SETX: variants seen among roughly 807,000 people sequenced by gnomAD.
SETX encodes the protein helicase senataxin.
In SETX, 90 loss-of-function variants were observed where a neutral mutation model predicts 227.2. The observed-to-expected ratio is 0.40, with a 90% confidence interval of 0.33 to 0.47. The LOEUF (loss-of-function observed/expected upper bound fraction) is 0.47. Among genes scored for constraint, SETX ranks in the 20% least tolerant of loss-of-function variants. The pLI is 0.91. For synonymous variants in SETX, 1,210 were observed against 1,113.2 expected (o/e 1.09, Z -1.73); for missense variants, 3,052 against 3,181.5 (o/e 0.96, Z 0.98).
intron 4 of SETX, among the ~76,000 whole-genome samples, chr9:132,344,150 C>T (rs1054754441): frequency 6.6e-6 from 1 of 152,092 alleles, no homozygotes; most frequent in Non-Finnish European, 1.5e-5. Context: ...ATTTTTGATT[C>T]CACTTTGGTT....
chr9:132,336,165 C>T, intron 6 of SETX, 131 bp downstream of exon 6: 1 of 757,094 alleles, frequency 1.3e-6, no homozygotes, highest in Non-Finnish European at 2.3e-6. Context: ...ATTGCTTGAA[C>T]CTGGGAGGTG....
In SETX at chr9:132,300,744, A is replaced by T. The variant is rs763771426; in HGVS notation, c.5434T>A (p.Phe1812Ile). 1.1e-5 allele frequency: 18 copies of T among 1,613,566 alleles called. No individual in the cohort carries two copies. Among genetic ancestry groups the T allele is most frequent in the Non-Finnish European group, 1.4e-5 (17 of 1,179,888 alleles). Residue 1812 changes from phenylalanine (F) to isoleucine (I), a missense_variant, in exon 12 of 26, where the codon TTT becomes ATT. Around this residue, in one of 10 missense-constraint regions of SETX, gnomAD observed 239 missense variants for 272.1 expected, o/e 0.88. Coordinates refer to ENST00000224140, the MANE Select transcript of SETX (RefSeq NM_015046.7). ...TCATTTATTCTCTCAGGAGCTAAAA[A>T]CACCAAATCGTTTTCCTTTGGATAA... ...QLYPKENDLVFLAPERINEEK... is the reference protein window; with the variant it reads ...QLYPKENDLVILAPERINEEK...
Position 132,329,087 on chromosome 9 carries a change from G to A in SETX, c.2511C>T (p.Phe837=). 2 of 1,610,240 alleles carry A rather than the reference G, an allele frequency of 1.2e-6. No individual in the cohort carries two copies. Among genetic ancestry groups the A allele is most frequent in the South Asian group, 1.1e-5 (1 of 90,766 alleles). ...TAGGGTCTAAAGAAAGATTGTGTAT[G>A]AAACCATCTCCTTTCTGAACTCCTG... ...KDTGVQKGDG[F]IHNLSLDPSG... Residue 837 remains phenylalanine (F), a synonymous_variant, in exon 10 of 26, where the codon TTC becomes TTT. Transcript: ENST00000224140.
At chr9:132,336,110 G>A (rs190307212) in intron 6 of SETX, among the ~76,000 whole-genome samples, 186 bp downstream of exon 6, 8 of 152,312 alleles carry the variant, frequency 5.3e-5, no homozygotes, top group South Asian at 2.1e-4. Context: ...AGGTGTGGTG[G>A]CGTTTGCCTG....
intron 2 of SETX, among the ~76,000 whole-genome samples, chr9:132,352,364 C>T (rs1370156193): frequency 6.6e-6 from 1 of 152,168 alleles, no homozygotes; most frequent in African/African-American, 2.4e-5. Flanking sequence ...GAATTCTCAC[C>T]TCTTCATTCA....
Position 132,331,125 on chromosome 9 carries a change from G to T in SETX, c.1025C>A (p.Pro342Gln), listed in dbSNP as rs762627335. The T allele has an allele frequency of 6.2e-7, 1 of 1,613,332 alleles. No individual in the cohort carries two copies. Among genetic ancestry groups the T allele is most frequent in the East Asian group, 2.2e-5 (1 of 44,868 alleles). Reference sequence around the variant, plus strand: ...CACCATATCATCCAAATAGGACTCCGGTTCTAACTTGGTCCTTAAATATTA... The same window carrying T: ...CACCATATCATCCAAATAGGACTCCTGTTCTAACTTGGTCCTTAAATATTA... ...RNSSVRTKLE[P>Q]ESYLDDMVTC... is the part of the protein sequence containing the mutation. The change falls in exon 9 of 26, where the codon CCG (proline) becomes CAG (glutamine). Residue 342 changes from proline to glutamine, a missense_variant. Coordinates refer to ENST00000224140, the MANE Select transcript of SETX (RefSeq NM_015046.7).
At chr9:132,282,478 C>T (rs185293424) in intron 19 of SETX, among the ~76,000 whole-genome samples, 46 of 151,896 alleles carry the variant, frequency 3.0e-4, no homozygotes, top group Non-Finnish European at 6.0e-4. Flanking sequence ...TTAGTAGAGA[C>T]AAGGTTTCAC....
intron 17 of SETX, among the ~76,000 whole-genome samples, chr9:132,286,783 C>A (rs1401115181): frequency 1.3e-5 from 2 of 152,188 alleles, no homozygotes; most frequent in African/African-American, 4.8e-5. Flanking sequence ...TAAATCACAC[C>A]CCAACCATTC....
rs571511092 is a variant in SETX at position 132,329,234 on chromosome 9, A to C, written c.2364T>G (p.Cys788Trp). The part of the protein sequence containing the change: ...RKTKVQKDEI[C>W]AKLSHVIKKQ... The stretch of plus-strand genomic sequence containing the variant: ...TCTTTATTACATGTGATAACTTTGC[A>C]CAGATTTCATCTTTCTGTACCTTAG... Residue 788 changes from cysteine to tryptophan, a missense_variant, in exon 10 of 26, where the codon TGT becomes TGG. By Grantham distance (215) the Cys-to-Trp change is radical. Transcript: ENST00000224140. The C allele has an allele frequency of 4.3e-6, 7 of 1,613,972 alleles. No homozygotes were observed. The South Asian group carries it at 7.7e-5, about 18-fold the overall frequency.
At position 132,305,163 on chromosome 9, in the gene SETX, G is replaced by A. The variant is rs1589688266; in HGVS notation, c.5375-4360C>T. 2.0e-5 allele frequency among the ~76,000 whole-genome samples: 3 copies of A among 151,334 alleles called. 1 individual carries two copies. The East Asian group carries it at 5.8e-4, about 29-fold the overall frequency. On this transcript the variant is annotated intron_variant, in intron 11 of 25. Coordinates refer to ENST00000224140, the MANE Select transcript of SETX (RefSeq NM_015046.7). ...AGGTTAGGAGATCAAGACCATCCTG[G>A]CTAACATGGTGAAACCCCGCCATTA...
At chr9:132,291,733 T>C (rs1452480877) in intron 15 of SETX, among the ~76,000 whole-genome samples, 1 of 152,166 alleles carries the variant, frequency 6.6e-6, no homozygotes. Context: ...GTGTCTGTTT[T>C]GTTCTTTAAC....
intron 20 of SETX, among the ~76,000 whole-genome samples, chr9:132,279,848 T>C (rs2131191487): frequency 6.6e-6 from 1 of 152,222 alleles, no homozygotes; most frequent in East Asian, 1.9e-4. Flanking sequence ...TGGGAGGATG[T>C]CCCTGATTTA....
At chr9:132,267,029 T>C (rs1842683512) in intron 25 of SETX, among the ~76,000 whole-genome samples, 1 of 152,270 alleles carries the variant, frequency 6.6e-6, no homozygotes, top group Non-Finnish European at 1.5e-5. Flanking sequence ...GGTAAAAATC[T>C]GTCTAAAGTC....
chr9:132,323,993 G>A (rs976523461), intron 10 of SETX, among the ~76,000 whole-genome samples: 1 of 152,070 alleles, frequency 6.6e-6, no homozygotes, highest in African/African-American at 2.4e-5. Context: ...GATGAGGGGT[G>A]CCTGATGTTC....
intron 25 of SETX, among the ~76,000 whole-genome samples, chr9:132,268,110 G>A (rs143313603): frequency 6.6e-6 from 1 of 152,338 alleles, no homozygotes; most frequent in East Asian, 1.9e-4. Flanking sequence ...AAGAGATCAC[G>A]TTTTAACACT....
At chr9:132,346,206 T>C in intron 4 of SETX, 55 bp downstream of exon 4, 1 of 1,416,434 alleles carries the variant, frequency 7.1e-7, no homozygotes, top group Non-Finnish European at 1.0e-6. Context: ...CCTAAATTCT[T>C]ATGGTACTAA....
intron 14 of SETX, 54 bp from the exon 15 acceptor site, chr9:132,296,082 C>T (rs1351145561): frequency 1.3e-6 from 2 of 1,597,730 alleles, no homozygotes; most frequent in Non-Finnish European, 1.7e-6. Flanking sequence ...TATGGGTGAG[C>T]TCTATTACAT....
chr9:132,284,870 C>G (rs145484756), intron 18 of SETX, among the ~76,000 whole-genome samples: 1 of 151,468 alleles, frequency 6.6e-6, no homozygotes, highest in East Asian at 1.9e-4. Flanking sequence ...ACCCACAAAG[C>G]TATTTTTTTT....
intron 19 of SETX, among the ~76,000 whole-genome samples, chr9:132,281,859 C>T (rs957037253): frequency 3.3e-5 from 5 of 151,516 alleles, no homozygotes; most frequent in Admixed American, 6.6e-5. Flanking sequence ...GCCAACATGG[C>T]GCAACCAAAA....
Sources: allele counts gnomAD v4.1 joint callset (sites outside exome capture counted in the v4.1 genomes callset), GRCh38; gene constraint gnomAD v4.1.1; regional missense constraint gnomAD v4.1.1; transcripts MANE v1.5; gene names NCBI Gene and HGNC (gene_info 2026-07-23, HGNC 2026-07-21).